Variants in SPATS2L observed in about 807,000 individuals in gnomAD.
SPATS2L encodes the protein SPATS2-like protein.
SPATS2L carries 30 observed loss-of-function variants against 59.6 expected under a neutral mutation model. The ratio of observed to expected loss-of-function variants is 0.50; its 90% CI spans 0.38 to 0.68. The LOEUF is 0.68. Among genes scored for constraint, SPATS2L ranks in the 30% least tolerant of loss-of-function variants. SPATS2L has a pLI of 0.00. For synonymous variants in SPATS2L, 252 were observed against 263.5 expected (o/e 0.96, Z 0.42); for missense variants, 615 against 700.0 (o/e 0.88, Z 1.37).
intron 6 of SPATS2L, among the ~76,000 whole-genome samples, chr2:200,423,720 A>G (rs1043890680): frequency 3.9e-5 from 6 of 152,250 alleles, no homozygotes; most frequent in African/African-American, 1.4e-4. Flanking sequence ...CCAGGCTACT[A>G]TAGTGGAGCA....
chr2:200,380,531 A>G (rs779761819), intron 2 of SPATS2L, among the ~76,000 whole-genome samples: 4 of 152,248 alleles, frequency 2.6e-5, no homozygotes, highest in African/African-American at 4.8e-5. Context: ...GGAAGCTTTT[A>G]TCTGCCTCTG....
At chr2:200,396,011 G>GGAAAAAA (rs1466614581) in intron 3 of SPATS2L, among the ~76,000 whole-genome samples, 3 of 10,592 alleles carry the variant, frequency 2.8e-4, no homozygotes, top group Middle Eastern at 0.17. Flanking sequence ...ACTCGATCTG[G>GGAAAAAA]AAAAAAAAAA....
At chr2:200,350,248 T>C (rs1038315400) in intron 2 of SPATS2L, among the ~76,000 whole-genome samples, 1 of 152,174 alleles carries the variant, frequency 6.6e-6, no homozygotes, top group African/African-American at 2.4e-5. Context: ...CCCTTAAGTC[T>C]CAGTGGCCTC....
rs563279576 is a variant in SPATS2L at position 200,454,893 on chromosome 2, T to G, written c.789-4876T>G. On this transcript the variant is annotated intron_variant, in intron 8 of 12. Transcript: ENST00000409140. The stretch of plus-strand genomic sequence containing the variant: ...AGAGTTATGTATTTCTGTCAAGTAC[T>G]CAGGATCACTGTTGAAAAGCAAAAA... 4.6e-5 allele frequency among the ~76,000 whole-genome samples: 7 copies of G among 152,330 alleles called. No individual in the cohort carries two copies. The East Asian group carries it at 1.4e-3, about 29-fold the overall frequency.
Position 200,472,969 on chromosome 2 carries a change from G to A in SPATS2L, c.1198G>A (p.Gly400Ser). The A allele has an allele frequency of 6.2e-7, 1 of 1,613,834 alleles. No homozygotes were observed. Among genetic ancestry groups the A allele is most frequent in the Non-Finnish European group, 8.5e-7 (1 of 1,179,864 alleles). ...KSSTHNKPSE[G>S]KAANPKMVSS... The stretch of plus-strand genomic sequence containing the variant: ...ATCCACTCACAATAAGCCCTCTGAA[G>A]GCAAAGCGGCAAACCCCAAAATGGT... The change falls in exon 12 of 13, where the codon GGC (glycine) becomes AGC (serine). Residue 400 changes from glycine to serine, a missense_variant. Physicochemically the swap from Gly to Ser is moderately conservative, Grantham distance 56. This residue lies in a region of SPATS2L where 284 missense variants were observed against 280.1 expected (regional missense o/e 1.01). Transcript: ENST00000409140.
chr2:200,472,776 C>A, intron 11 of SPATS2L, 56 bp from the exon 12 acceptor site: 1 of 1,472,726 alleles, frequency 6.8e-7, no homozygotes, highest in Non-Finnish European at 9.5e-7. Flanking sequence ...TAATGGGTTA[C>A]TGAGGCAGCA....
rs1335085354 is a variant in SPATS2L at position 200,477,837 on chromosome 2, G to A, written c.1483G>A (p.Gly495Arg). ...GGAKNQEASL[G>R]MKTPEAPAHS... ...TGCCAAAAATCAAGAGGCTTCCTTGGGGATGAAGACCCCCGAGGCCCCGGC... is the reference window on the plus strand; with the variant it reads ...TGCCAAAAATCAAGAGGCTTCCTTGAGGATGAAGACCCCCGAGGCCCCGGC... Residue 495 changes from glycine (G) to arginine (R), a missense_variant, in exon 13 of 13, where the codon GGG (glycine) becomes AGG (arginine). This residue lies in a region of SPATS2L where 284 missense variants were observed against 280.1 expected (regional missense o/e 1.01). Coordinates refer to ENST00000409140, the MANE Select transcript of SPATS2L (RefSeq NM_001100423.2). 6.3e-7 allele frequency: 1 copy of A among 1,582,472 alleles called. No individual in the cohort carries two copies. The highest frequency in any genetic ancestry group is 8.6e-7 in the Non-Finnish European group (1 of 1,164,260).
intron 6 of SPATS2L, among the ~76,000 whole-genome samples, chr2:200,430,531 T>A (rs1317458205): frequency 1.1e-4 from 16 of 152,086 alleles, no homozygotes; most frequent in Non-Finnish European, 4.4e-5. Flanking sequence ...AGATTTTTTT[T>A]AAATGATATT....
chr2:200,338,565 A>G (rs1433688577), intron 2 of SPATS2L, among the ~76,000 whole-genome samples: 1 of 152,232 alleles, frequency 6.6e-6, no homozygotes, highest in Non-Finnish European at 1.5e-5. Context: ...CCAGTGGTAT[A>G]GAAGGAATTG....
chr2:200,321,770 A>G (rs531972319), intron 1 of SPATS2L, among the ~76,000 whole-genome samples: 16 of 152,350 alleles, frequency 1.1e-4, no homozygotes, highest in African/African-American at 3.6e-4. Flanking sequence ...AGTGTCTATT[A>G]ATGTTCCAGG....
chr2:200,388,883 T>C (rs367736085), intron 2 of SPATS2L, among the ~76,000 whole-genome samples: 2 of 152,278 alleles, frequency 1.3e-5, no homozygotes, highest in East Asian at 1.9e-4. Flanking sequence ...GTGATGACAA[T>C]ACTTAGTTAA....
chr2:200,426,463 T>C (rs71424258), intron 6 of SPATS2L, among the ~76,000 whole-genome samples: 2 of 152,226 alleles, frequency 1.3e-5, no homozygotes, highest in African/African-American at 4.8e-5. Flanking sequence ...GCACAGTGGC[T>C]CATGCCTATA....
intron 2 of SPATS2L, among the ~76,000 whole-genome samples, chr2:200,383,551 T>G (rs1483506602): frequency 1.3e-5 from 2 of 152,156 alleles, no homozygotes; most frequent in Admixed American, 1.3e-4. Flanking sequence ...CCAACTGACC[T>G]TGGGGCCCAG....
At chr2:200,306,124 C>T (rs907841134), upstream of SPATS2L, 1 of 988,226 alleles carries the variant, frequency 1.0e-6, no homozygotes, top group Admixed American at 6.2e-5. Flanking sequence ...AAGGGCTGAC[C>T]CGAGCTCCAG....
intron 1 of SPATS2L, among the ~76,000 whole-genome samples, chr2:200,326,182 G>A (rs2079734180): frequency 6.6e-6 from 1 of 152,112 alleles, no homozygotes; most frequent in African/African-American, 2.4e-5. Context: ...TGCAATCATA[G>A]CACATAATAG....
At chr2:200,469,814 ACTG>A in intron 10 of SPATS2L, 97 bp from the exon 11 acceptor site, 1 of 848,142 alleles carries the variant, frequency 1.2e-6, no homozygotes, top group Non-Finnish European at 1.9e-6. Flanking sequence ...CCAGGTCAGC[ACTG>A]CAGTGGACAC....
Position 200,477,896 on chromosome 2 carries a change from T to C in SPATS2L, c.1542T>C (p.Ala514=). Residue 514 remains alanine, a synonymous_variant, in exon 13 of 13, where the codon GCT becomes GCC. Transcript: ENST00000409140. ...HSEKPRRRQH[A]ADTSEARPFR... is the part of the protein sequence containing the mutation. ...AAAAGCCCCGGCGAAGGCAGCACGC[T>C]GCAGACACCTCGGAGGCCAGGCCCT... 1 of 1,611,588 alleles carries C rather than the reference T, an allele frequency of 6.2e-7. No individual in the cohort carries two copies. The highest frequency in any genetic ancestry group is 8.5e-7 in the Non-Finnish European group (1 of 1,178,996).
chr2:200,332,745 T>A, intron 2 of SPATS2L, among the ~76,000 whole-genome samples: 1 of 121,024 alleles, frequency 8.3e-6, no homozygotes, highest in Non-Finnish European at 1.8e-5. Flanking sequence ...TATTTTTTTT[T>A]TGAAAAAAAA....
rs149006238 is a variant in SPATS2L, at chr2:200,344,047, T to A, written c.-23+14567T>A. On this transcript the variant is annotated intron_variant, in intron 2 of 12. Transcript: ENST00000409140. ...AATAATCCATAGAGGTTATTTTTTTTAAAAAAAATTTATTTTTAAATAAAA... is the reference window on the plus strand; with the variant it reads ...AATAATCCATAGAGGTTATTTTTTTAAAAAAAAATTTATTTTTAAATAAAA... 8.5e-3 allele frequency among the ~76,000 whole-genome samples: 1,292 copies of A among 151,694 alleles called. 31 individuals carry two copies. In the East Asian group the frequency reaches 0.11, roughly 13 times the overall value.
Sources: gnomAD v4.1 joint callset for allele counts (sites outside exome capture counted in the v4.1 genomes callset) on GRCh38, gnomAD v4.1.1 for gene constraint, gnomAD v4.1.1 regional missense constraint, MANE v1.5 for transcripts, NCBI Gene and HGNC (gene_info 2026-07-23, HGNC 2026-07-21) for gene names.